Variants in DOCK10 observed in about 807,000 individuals in gnomAD.
DOCK10 encodes dedicator of cytokinesis protein 10.
Under a neutral mutation model 280.1 loss-of-function variants are expected in DOCK10, and 145 were observed. The ratio of observed to expected loss-of-function variants is 0.52; its 90% CI spans 0.45 to 0.59. DOCK10 has a LOEUF of 0.59. Among genes scored for constraint, DOCK10 ranks in the 20% least tolerant of loss-of-function variants. The probability of loss-of-function intolerance (pLI) is 0.00; values close to 1 mark genes in which losing one functional copy is unlikely to be tolerated. For missense variants in DOCK10, 2,368 were observed against 2,651.7 expected (o/e 0.89, Z 2.35); for synonymous variants, 915 against 942.2 (o/e 0.97, Z 0.53).
intron 1 of DOCK10, among the ~76,000 whole-genome samples, chr2:224,934,389 C>T (rs537285288): frequency 4.6e-4 from 70 of 152,186 alleles, no homozygotes; most frequent in African/African-American, 1.6e-3. Flanking sequence ...TCAATCTTTC[C>T]AGTGAATTTG....
chr2:224,900,949 G>C (rs1400902232), intron 3 of DOCK10, among the ~76,000 whole-genome samples: 1 of 151,504 alleles, frequency 6.6e-6, no homozygotes, highest in Non-Finnish European at 1.5e-5. Flanking sequence ...TATTTGCTAG[G>C]CTTTATATAT....
At chr2:224,956,350 C>T (rs974316820) in intron 1 of DOCK10, among the ~76,000 whole-genome samples, 7 of 152,222 alleles carry the variant, frequency 4.6e-5, no homozygotes, top group South Asian at 2.1e-4. Flanking sequence ...TTGGCGGGCA[C>T]GGTGGCTCAT....
rs142715041 is a variant in DOCK10, at chr2:224,817,141, T to C, written c.3268-428A>G. ...TACCATCCAGAGCTAAGGAAGACAATGGTGTGTATCACGTAAAATTAGAGT... is the reference window on the plus strand; with the variant it reads ...TACCATCCAGAGCTAAGGAAGACAACGGTGTGTATCACGTAAAATTAGAGT... On this transcript the variant is annotated intron_variant, in intron 29 of 55. Coordinates refer to ENST00000258390, the MANE Select transcript of DOCK10 (RefSeq NM_014689.3). 3.4e-3 allele frequency among the ~76,000 whole-genome samples: 523 copies of C among 152,312 alleles called. 1 individual carries two copies. Among genetic ancestry groups the C allele is most frequent in the African/African-American group, 0.012 (482 of 41,574 alleles).
At chr2:224,778,757 G>C (rs1389286423) in intron 50 of DOCK10, among the ~76,000 whole-genome samples, 1 of 152,084 alleles carries the variant, frequency 6.6e-6, no homozygotes, top group Non-Finnish European at 1.5e-5. Context: ...ATGGGCTGAC[G>C]TGCATCCCAC....
intron 52 of DOCK10, among the ~76,000 whole-genome samples, chr2:224,773,819 A>G (rs1247028798): frequency 2.0e-5 from 3 of 151,882 alleles, no homozygotes; most frequent in South Asian, 2.1e-4. Context: ...TTTAGTAGAG[A>G]CGGGGTTTCA....
intron 1 of DOCK10, among the ~76,000 whole-genome samples, chr2:224,968,140 G>A (rs908388208): frequency 1.3e-5 from 2 of 152,172 alleles, no homozygotes; most frequent in East Asian, 1.9e-4. Flanking sequence ...GATTATGATC[G>A]TAAAAGGGAG....
At chr2:224,930,655 G>A (rs1702306511) in intron 2 of DOCK10, among the ~76,000 whole-genome samples, 1 of 152,278 alleles carries the variant, frequency 6.6e-6, no homozygotes, top group African/African-American at 2.4e-5. Context: ...GCTGCTTGAG[G>A]AATGTGTGGG....
chr2:224,798,021 T>A (rs1388203819), intron 41 of DOCK10, 52 bp from the exon 42 acceptor site: 2 of 1,561,776 alleles, frequency 1.3e-6, no homozygotes, highest in Admixed American at 3.9e-5. Flanking sequence ...AAATTTTCAT[T>A]CTATCAAAAA....
At position 224,786,814 on chromosome 2, in the gene DOCK10, A is replaced by G. The variant is rs1184001099; in HGVS notation, c.5655+208T>C. Among the ~76,000 whole-genome samples, 4 of 152,176 alleles carry G rather than the reference A, an allele frequency of 2.6e-5. No homozygotes were observed. Among genetic ancestry groups the G allele is most frequent in the Non-Finnish European group, 2.9e-5 (2 of 68,024 alleles). On this transcript the variant is annotated intron_variant, in intron 50 of 55. Coordinates refer to ENST00000258390, the MANE Select transcript of DOCK10 (RefSeq NM_014689.3). This position sits in a 1 kb window ranked among gnomAD's most constrained non-coding sequence, Gnocchi z 4.7. ...TTAGAAATCACTGTTAACTCAACCC[A>G]TGGATTTCTTTGCTCACTTGTTTCC...
chr2:224,907,389 A>G (rs916666742), intron 3 of DOCK10, among the ~76,000 whole-genome samples: 3 of 152,060 alleles, frequency 2.0e-5, no homozygotes, highest in Admixed American at 6.6e-5. Context: ...TGCTAACAGT[A>G]AGAATTAAGA....
chr2:225,035,573 T>TATA (rs1553634924), intron 1 of DOCK10, among the ~76,000 whole-genome samples: 1,188 of 44,148 alleles, frequency 0.027, 71 homozygotes, highest in South Asian at 0.065. Context: ...TATATATATA[T>TATA]ATATATATAT....
At chr2:224,865,971 A>G (rs1356170470) in intron 11 of DOCK10, among the ~76,000 whole-genome samples, 1 of 151,902 alleles carries the variant, frequency 6.6e-6, no homozygotes, top group East Asian at 1.9e-4. Flanking sequence ...AGTTTCCCAT[A>G]TTATTCCTCT....
At chr2:224,907,547 G>C (rs1352182004) in intron 3 of DOCK10, among the ~76,000 whole-genome samples, 1 of 152,100 alleles carries the variant, frequency 6.6e-6, no homozygotes, top group African/African-American at 2.4e-5. Context: ...AATTAGCCGG[G>C]TGTGGTGGCG....
Position 224,845,540 on chromosome 2 carries a change from T to C in DOCK10, c.2338A>G (p.Lys780Glu), listed in dbSNP as rs1305358643. 6.2e-7 allele frequency: 1 copy of C among 1,612,498 alleles called. No individual in the cohort carries two copies. Among genetic ancestry groups the C allele is most frequent in the East Asian group, 2.2e-5 (1 of 44,870 alleles). Residue 780 changes from lysine (K) to glutamate (E), a missense_variant, in exon 20 of 56, where the codon AAG (lysine) becomes GAG (glutamate). Physicochemically the swap from Lys to Glu is moderately conservative, Grantham distance 56. Around this residue, in one of 2 missense-constraint regions of DOCK10, gnomAD observed 1,209 missense variants for 1,250.9 expected, o/e 0.97. Coordinates refer to ENST00000258390, the MANE Select transcript of DOCK10 (RefSeq NM_014689.3). ...GTACCTGACGTTTCCAGAGCCTCCTTCTTTTTGGCATTAGCTTTTGCATTG... is the reference window on the plus strand; with the variant it reads ...GTACCTGACGTTTCCAGAGCCTCCTCCTTTTTGGCATTAGCTTTTGCATTG... ...DINAKANAKK[K>E]EALETSVGYA...
rs138616256 is a variant in DOCK10, at chr2:224,868,544, A to T, written c.1258-3457T>A. On this transcript the variant is annotated intron_variant, in intron 11 of 55. Coordinates refer to ENST00000258390, the MANE Select transcript of DOCK10 (RefSeq NM_014689.3). ...TGTGATCCAGTTTATTACTACACAG[A>T]CTCACTCACACTGTGGGTTTTGTTA... Among the ~76,000 whole-genome samples the T allele has an allele frequency of 6.8e-3, 1,039 of 152,190 alleles. 8 individuals are homozygous for T. The highest frequency in any genetic ancestry group is 0.011 in the Non-Finnish European group (761 of 67,992).
chr2:224,781,940 A>G (rs1691371578), intron 50 of DOCK10, among the ~76,000 whole-genome samples: 1 of 152,200 alleles, frequency 6.6e-6, no homozygotes, highest in Admixed American at 6.5e-5. Context: ...GTATTTTATT[A>G]GACTCATTCA....
intron 1 of DOCK10, among the ~76,000 whole-genome samples, chr2:224,992,696 C>T (rs1371630853): frequency 1.3e-5 from 2 of 152,220 alleles, no homozygotes; most frequent in African/African-American, 4.8e-5. Flanking sequence ...TGCAGCCTTC[C>T]TTCTTGTGTG....
At chr2:224,933,696 A>G (rs1702523758) in intron 1 of DOCK10, among the ~76,000 whole-genome samples, 1 of 152,164 alleles carries the variant, frequency 6.6e-6, no homozygotes, top group African/African-American at 2.4e-5. Flanking sequence ...GCCCTTTGGT[A>G]TTTACAGCAA....
chr2:224,887,086 A>C (rs977893585), intron 4 of DOCK10, among the ~76,000 whole-genome samples: 2 of 152,142 alleles, frequency 1.3e-5, no homozygotes, highest in Non-Finnish European at 2.9e-5. Flanking sequence ...AAACTTACAC[A>C]TATCTTTTTG....
Sources: allele counts gnomAD v4.1 joint callset (sites outside exome capture counted in the v4.1 genomes callset), GRCh38; gene constraint gnomAD v4.1.1; regional missense constraint gnomAD v4.1.1; non-coding constraint Gnocchi (gnomAD v3.1); transcripts MANE v1.5; gene names NCBI Gene and HGNC (gene_info 2026-07-23, HGNC 2026-07-21).